Variants in TTC7A observed in about 807,000 individuals in gnomAD.
TTC7A encodes tetratricopeptide repeat domain 7A.
TTC7A carries 110 observed loss-of-function variants against 103.7 expected under a neutral mutation model. The observed-to-expected ratio is 1.06, with a 90% CI of 0.91 to 1.24. The LOEUF is 1.24. Among genes scored for constraint, TTC7A ranks in the 50% most tolerant of loss-of-function variants. TTC7A has a pLI of 0.00. For missense variants in TTC7A, 1,340 were observed against 1,116.3 expected, an observed-to-expected ratio of 1.20 and a Z score of -2.86; for synonymous variants, 521 against 467.9, an observed-to-expected ratio of 1.11 and a Z score of -1.47.
intron 3 of TTC7A, among the ~76,000 whole-genome samples, chr2:46,961,692 G>A (rs910404739): frequency 6.6e-6 from 1 of 152,006 alleles, no homozygotes; most frequent in Non-Finnish European, 1.5e-5. Flanking sequence ...ATGACTTGAG[G>A]TTAGGAGTTT....
At chr2:46,974,058 G>A (rs1432618155) in intron 3 of TTC7A, among the ~76,000 whole-genome samples, 5 of 152,198 alleles carry the variant, frequency 3.3e-5, no homozygotes, top group Non-Finnish European at 5.9e-5. Flanking sequence ...CGTCCAAAGT[G>A]TACTGCAGTC....
intron 15 of TTC7A, among the ~76,000 whole-genome samples, chr2:47,033,325 C>G (rs546985464): frequency 2.0e-5 from 3 of 152,380 alleles, no homozygotes; most frequent in African/African-American, 7.2e-5. Flanking sequence ...CTTAAAGTCA[C>G]CTTACAGAGG....
chr2:47,054,989 C>T (rs1160199815), intron 18 of TTC7A, among the ~76,000 whole-genome samples: 3 of 152,014 alleles, frequency 2.0e-5, no homozygotes, highest in African/African-American at 4.8e-5. Context: ...GTAATTTGCA[C>T]CCCCTGAGCC....
Position 47,073,726 on chromosome 2 carries a change from C to T in TTC7A, c.2380C>T (p.His794Tyr), listed in dbSNP as rs781024597. 1.9e-6 allele frequency: 3 copies of T among 1,613,612 alleles called. No individual in the cohort carries two copies. Among genetic ancestry groups the T allele is most frequent in the African/African-American group, 1.3e-5 (1 of 74,946 alleles). Reference sequence around the variant, plus strand: ...GGGTCTGATGCTGAGTCGGCTGGGCCACAAGAGCTTGGCCCAGAAGGTGCT... The same window carrying T: ...GGGTCTGATGCTGAGTCGGCTGGGCTACAAGAGCTTGGCCCAGAAGGTGCT... ...SLGLMLSRLG[H>Y]KSLAQKVLRD... The change falls in exon 20 of 20, where the codon CAC becomes TAC. Residue 794 changes from histidine to tyrosine, a missense_variant. His to Tyr is a moderately conservative substitution (Grantham distance 83, BLOSUM62 2). Transcript: ENST00000319190.
intron 15 of TTC7A, among the ~76,000 whole-genome samples, chr2:47,035,105 A>G (rs1014623315): frequency 1.3e-5 from 2 of 152,000 alleles, no homozygotes; most frequent in African/African-American, 4.8e-5. Flanking sequence ...CGCTTGTTGT[A>G]TATTTCTCGT....
At chr2:47,040,576 A>C (rs1681626892) in intron 15 of TTC7A, 1 of 152,214 alleles carries the variant, frequency 6.6e-6, no homozygotes. Context: ...CTTAGGTCCT[A>C]GGAGTGAAGG....
At chr2:46,946,115 G>A (rs971654045) in intron 1 of TTC7A, among the ~76,000 whole-genome samples, 2 of 152,212 alleles carry the variant, frequency 1.3e-5, no homozygotes, top group African/African-American at 4.8e-5. Context: ...AGGAAGGTGG[G>A]CACTGAGGCC....
chr2:47,045,776 T>TGCCCAAGC (rs1241444613), intron 15 of TTC7A, among the ~76,000 whole-genome samples: 1 of 152,204 alleles, frequency 6.6e-6, no homozygotes, highest in African/African-American at 2.4e-5. Context: ...CCTATACTGT[T>TGCCCAAGC]GTGGCTGGCA....
At chr2:46,931,525 G>C (rs1408625483) in intron 2 of TTC7A, among the ~76,000 whole-genome samples, 2 of 149,876 alleles carry the variant, frequency 1.3e-5, no homozygotes, top group Non-Finnish European at 3.0e-5. Flanking sequence ...AGGAGGGTCA[G>C]AGTCAGAGTA....
chr2:46,951,577 T>G lies in TTC7A; in HGVS notation c.348+1051T>G, dbSNP rs1433637444. ...TCTGTCTCTCTCTTTCTTTCTGTCT[T>G]TCTGTCTGTCTTTATTTTCTTCAGG... is the stretch of plus-strand genomic sequence containing the variant. On this transcript the variant is annotated intron_variant, in intron 2 of 19. Transcript: ENST00000319190. The G allele has an allele frequency of 6.6e-6, 3 of 455,726 alleles. No homozygotes were observed. The Admixed American group carries it at 7.0e-5, about 11-fold the overall frequency. 28.2% of individuals were successfully genotyped at this position (455,726 alleles called of 1,614,324 possible).
intron 5 of TTC7A, among the ~76,000 whole-genome samples, chr2:46,992,918 A>G (rs1012157614): frequency 2.6e-5 from 4 of 152,348 alleles, no homozygotes; most frequent in African/African-American, 9.6e-5. Flanking sequence ...TATGGCTCAC[A>G]CTTTTAAAAG....
At chr2:46,970,621 C>T (rs899286219) in intron 3 of TTC7A, among the ~76,000 whole-genome samples, 7 of 152,274 alleles carry the variant, frequency 4.6e-5, no homozygotes, top group African/African-American at 1.7e-4. Flanking sequence ...TGCCCTGCCA[C>T]CTGCAGTTGG....
chr2:47,043,132 G>A (rs542024041), intron 15 of TTC7A, among the ~76,000 whole-genome samples: 28 of 152,366 alleles, frequency 1.8e-4, no homozygotes, highest in Non-Finnish European at 3.4e-4. Context: ...GCAGCTACCC[G>A]TTGCAGTGGA....
At chr2:47,058,630 C>T (rs1233291491) in intron 18 of TTC7A, among the ~76,000 whole-genome samples, 2 of 152,206 alleles carry the variant, frequency 1.3e-5, no homozygotes, top group African/African-American at 2.4e-5. Context: ...GGCCCTTCTG[C>T]GTTCCTCATC....
intron 2 of TTC7A, among the ~76,000 whole-genome samples, chr2:46,923,277 C>T (rs778920379): frequency 3.3e-5 from 5 of 152,240 alleles, no homozygotes; most frequent in Non-Finnish European, 5.9e-5. Context: ...GCCCCTCTCT[C>T]CTCCCTGGAG....
intron 19 of TTC7A, among the ~76,000 whole-genome samples, chr2:47,072,676 G>A (rs1026838025): frequency 6.6e-6 from 1 of 152,216 alleles, no homozygotes; most frequent in East Asian, 1.9e-4. Flanking sequence ...CAGGAAGTCG[G>A]TGGTGGGCTT....
intron 5 of TTC7A, among the ~76,000 whole-genome samples, chr2:46,983,143 A>T (rs1054917088): frequency 6.6e-6 from 1 of 152,128 alleles, no homozygotes; most frequent in Non-Finnish European, 1.5e-5. Flanking sequence ...GTGGTAGGCC[A>T]GGGAGGTGGT....
chr2:46,918,360 C>T (rs1205874310), intron 2 of TTC7A, among the ~76,000 whole-genome samples: 1 of 152,218 alleles, frequency 6.6e-6, no homozygotes, highest in Non-Finnish European at 1.5e-5. Flanking sequence ...CTTTCCACCT[C>T]CACTAAACCA....
intron 11 of TTC7A, among the ~76,000 whole-genome samples, chr2:47,014,246 A>G (rs767723389): frequency 6.6e-6 from 1 of 152,160 alleles, no homozygotes; most frequent in Non-Finnish European, 1.5e-5. Flanking sequence ...GGAAGCCTAC[A>G]TATAGTAGGT....
Sources: allele counts gnomAD v4.1 joint callset (sites outside exome capture counted in the v4.1 genomes callset), GRCh38; gene constraint gnomAD v4.1.1; transcripts MANE v1.5; gene names NCBI Gene and HGNC (gene_info 2026-07-23, HGNC 2026-07-21).